Variants in GNAI1 observed in about 807,000 individuals in gnomAD.
The protein encoded by GNAI1 is G protein subunit alpha i1, also known as guanine nucleotide-binding protein G(i) subunit alpha-1.
GNAI1 carries 11 observed loss-of-function variants against 38.9 expected under a neutral mutation model. That is an observed-to-expected ratio of 0.28 (90% CI 0.18 to 0.47). The LOEUF (loss-of-function observed/expected upper bound fraction) is 0.47, where lower values mean the gene tolerates loss of function less well. GNAI1 is among the 20% of genes least tolerant of loss of function. The pLI, the probability that GNAI1 is intolerant of heterozygous loss-of-function variation, is 0.99. For synonymous variants in GNAI1, 166 were observed against 145.1 expected (o/e 1.14, Z -1.04); for missense variants, 317 against 436.9 (o/e 0.73, Z 2.45).
chr7:80,138,541 T>C (rs78716746), intron 1 of GNAI1, among the ~76,000 whole-genome samples: 12,678 of 152,268 alleles, frequency 0.083, 559 homozygotes, highest in African/African-American at 0.1. Flanking sequence ...AATTATTTTT[T>C]ATTGTTATAT....
At chr7:80,210,691 G>A (rs1005607720) in intron 5 of GNAI1, among the ~76,000 whole-genome samples, 16 of 142,696 alleles carry the variant, frequency 1.1e-4, no homozygotes, top group African/African-American at 3.9e-4. Flanking sequence ...TCTCATGTGT[G>A]TTAATGTCTC....
chr7:80,210,847 C>G (rs1430264259), intron 5 of GNAI1, 122 bp from the exon 6 acceptor site: 1 of 667,614 alleles, frequency 1.5e-6, no homozygotes, highest in African/African-American at 1.9e-5. Context: ...TAAAGTCCTT[C>G]TCTCCTTCCT....
intron 1 of GNAI1, among the ~76,000 whole-genome samples, chr7:80,150,140 G>C (rs1224307503): frequency 6.6e-6 from 1 of 152,082 alleles, no homozygotes; most frequent in Non-Finnish European, 1.5e-5. Flanking sequence ...TCAATACTTA[G>C]TAAAGGTTAC....
intron 1 of GNAI1, among the ~76,000 whole-genome samples, chr7:80,167,868 C>A (rs1326716545): frequency 1.3e-5 from 2 of 152,156 alleles, no homozygotes; most frequent in Admixed American, 6.5e-5. Flanking sequence ...CAAAAAAAGT[C>A]TTTGTGTTTA....
chr7:80,186,262 T>A (rs1788385331), intron 1 of GNAI1, among the ~76,000 whole-genome samples: 1 of 151,894 alleles, frequency 6.6e-6, no homozygotes, highest in African/African-American at 2.4e-5. Flanking sequence ...AGAACTCTTG[T>A]CCTCGTGATC....
intron 1 of GNAI1, among the ~76,000 whole-genome samples, chr7:80,184,079 G>A (rs1252843843): frequency 2.0e-5 from 3 of 152,138 alleles, no homozygotes; most frequent in Non-Finnish European, 4.4e-5. Context: ...AGACCAGTGG[G>A]CGGAGGGGGA....
At position 80,160,914 on chromosome 7, in the gene GNAI1, C is replaced by T. The variant is rs149748379; in HGVS notation, c.118+25636C>T. Among the ~76,000 whole-genome samples, 1,002 of 152,138 alleles carry T rather than the reference C, an allele frequency of 6.6e-3. 10 individuals carry two copies. The highest frequency in any genetic ancestry group is 0.011 in the Non-Finnish European group (717 of 67,970). On this transcript the variant is annotated intron_variant, in intron 1 of 7. Transcript: ENST00000649796. ...ATGTAATAGTTGGCATTGTGTAGTA[C>T]GATATCTTGCAGTCTTCTCCAGAAC...
intron 1 of GNAI1, among the ~76,000 whole-genome samples, chr7:80,157,034 C>T (rs960947354): frequency 2.0e-5 from 3 of 152,160 alleles, no homozygotes; most frequent in African/African-American, 4.8e-5. Flanking sequence ...TGGAAAAATG[C>T]GTAATTACAT....
At chr7:80,157,151 T>A (rs1196168473) in intron 1 of GNAI1, among the ~76,000 whole-genome samples, 4 of 152,196 alleles carry the variant, frequency 2.6e-5, no homozygotes, top group Non-Finnish European at 4.4e-5. Flanking sequence ...ACCACTGATC[T>A]TTTTTACTGT....
At chr7:80,186,640 C>T (rs1224084280) in intron 1 of GNAI1, among the ~76,000 whole-genome samples, 2 of 152,144 alleles carry the variant, frequency 1.3e-5, no homozygotes, top group Non-Finnish European at 2.9e-5. Flanking sequence ...CTGGGCTTTT[C>T]AGTTGTTTCA....
At position 80,198,297 on chromosome 7, in the gene GNAI1, A is replaced by G. The variant is rs373171137; in HGVS notation, c.304-928A>G. Reference sequence around the variant, plus strand: ...TACATATAAATGAATTGATATTTTTATACATAGGTTAAGTATACTGTTAAA... The same window carrying G: ...TACATATAAATGAATTGATATTTTTGTACATAGGTTAAGTATACTGTTAAA... On this transcript the variant is annotated intron_variant, in intron 3 of 7. Transcript: ENST00000649796. 4.4e-4 allele frequency among the ~76,000 whole-genome samples: 67 copies of G among 152,212 alleles called. 2 individuals carry two copies. In the South Asian group the frequency reaches 9.3e-3, roughly 21 times the overall value.
chr7:80,146,036 C>T (rs757350245), intron 1 of GNAI1, among the ~76,000 whole-genome samples: 1 of 152,170 alleles, frequency 6.6e-6, no homozygotes, highest in Non-Finnish European at 1.5e-5. Flanking sequence ...GGGGAAAGGT[C>T]AGCTCAGGCA....
In GNAI1 at chr7:80,224,254, T is replaced by G. The variant is rs1789124483; in HGVS notation, c.*6761T>G. Among the ~76,000 whole-genome samples, 1 of 152,198 alleles carries G rather than the reference T, an allele frequency of 6.6e-6. No homozygotes were observed. Among genetic ancestry groups the G allele is most frequent in the African/African-American group, 2.4e-5 (1 of 41,458 alleles). On this transcript the variant is annotated 3_prime_UTR_variant, in exon 8 of 8. Coordinates refer to ENST00000649796, the MANE Select transcript of GNAI1 (RefSeq NM_002069.6). ...GTACCTTACTAATGCTCTCATTTAG[T>G]CATCAGAGCAGTCCTGCAATATTGG...
chr7:80,189,267 G>A (rs1231137685), intron 3 of GNAI1, 36 bp downstream of exon 3: 7 of 1,577,080 alleles, frequency 4.4e-6, no homozygotes, highest in Non-Finnish European at 6.1e-6. Flanking sequence ...GACCTGATGG[G>A]TAAAAAGAAT....
intron 1 of GNAI1, among the ~76,000 whole-genome samples, chr7:80,162,051 G>C (rs983467145): frequency 6.6e-6 from 1 of 152,130 alleles, no homozygotes; most frequent in Non-Finnish European, 1.5e-5. Flanking sequence ...GGCATTTGGA[G>C]GTGGGGCATT....
intron 1 of GNAI1, among the ~76,000 whole-genome samples, chr7:80,186,605 G>A (rs1307647542): frequency 6.6e-6 from 1 of 151,866 alleles, no homozygotes; most frequent in Non-Finnish European, 1.5e-5. Flanking sequence ...CAAAACTCAC[G>A]AGCTTACATC....
rs190598394 is a variant in GNAI1 at position 80,224,644 on chromosome 7, C to T, written c.*7151C>T. On this transcript the variant is annotated 3_prime_UTR_variant, in exon 8 of 8. Coordinates refer to ENST00000649796, the MANE Select transcript of GNAI1 (RefSeq NM_002069.6). ...TGTCAATGGCTGTGAAAAGCCAGTG[C>T]AGTAAAGAAGTAAAGAGCTCTCTGT... is the stretch of plus-strand genomic sequence containing the variant. 3.0e-3 allele frequency among the ~76,000 whole-genome samples: 456 copies of T among 152,250 alleles called. 3 individuals are homozygous for T. Among genetic ancestry groups the T allele is most frequent in the Non-Finnish European group, 4.8e-3 (325 of 68,014 alleles).
At chr7:80,194,435 A>T (rs1172252367) in intron 3 of GNAI1, among the ~76,000 whole-genome samples, 1 of 152,128 alleles carries the variant, frequency 6.6e-6, no homozygotes, top group Non-Finnish European at 1.5e-5. Context: ...CATTAATGTT[A>T]TGGTAATATT....
chr7:80,168,873 C>T (rs538579697), intron 1 of GNAI1, among the ~76,000 whole-genome samples: 69 of 152,156 alleles, frequency 4.5e-4, no homozygotes, highest in Non-Finnish European at 1.0e-3. Flanking sequence ...AAAATTTACC[C>T]TACTGGTTTG....
Sources: allele counts gnomAD v4.1 joint callset (sites outside exome capture counted in the v4.1 genomes callset), GRCh38; gene constraint gnomAD v4.1.1; transcripts MANE v1.5; gene names NCBI Gene and HGNC (gene_info 2026-07-23, HGNC 2026-07-21).